The following TBCK variants were observed in gnomAD, a reference collection of about 807,000 sequenced individuals.
TBCK encodes the protein TBC1 domain containing kinase, also known as TBC domain-containing protein kinase-like protein.
Under a neutral mutation model 113.4 loss-of-function variants are expected in TBCK, and 99 were observed. That is an observed-to-expected ratio of 0.87 (90% confidence interval 0.74 to 1.03). The LOEUF is 1.03. Ranked by LOEUF, TBCK falls within the 50% of genes least tolerant of loss-of-function variation. The probability of loss-of-function intolerance (pLI) is 0.00; values close to 1 mark genes in which losing one functional copy is unlikely to be tolerated. For missense variants in TBCK, 1,045 were observed against 1,061.3 expected, an observed-to-expected ratio of 0.98 and a Z score of 0.21; for synonymous variants, 369 against 370.8, an observed-to-expected ratio of 1.00 and a Z score of 0.05.
At chr4:106,250,954 G>C (rs1386211683) in intron 6 of TBCK, 1 of 161,322 alleles carries the variant, frequency 6.2e-6, no homozygotes, top group Non-Finnish European at 1.4e-5. Context: ...ACTTCAGACA[G>C]CCATCCTTCA....
At chr4:106,206,845 A>G (rs1755557104) in intron 20 of TBCK, among the ~76,000 whole-genome samples, 2 of 152,200 alleles carry the variant, frequency 1.3e-5, no homozygotes, top group Admixed American at 1.3e-4. Flanking sequence ...TTAAATGTCA[A>G]TGGCTTTACC....
chr4:106,293,715 TTA>T (rs1765966084), intron 3 of TBCK, among the ~76,000 whole-genome samples: 1 of 152,206 alleles, frequency 6.6e-6, no homozygotes, highest in Non-Finnish European at 1.5e-5. Flanking sequence ...TTCTATCAAA[TTA>T]CTACCATTTA....
intron 23 of TBCK, among the ~76,000 whole-genome samples, chr4:106,153,257 C>T (rs1046556132): frequency 8.6e-5 from 13 of 151,910 alleles, no homozygotes; most frequent in Admixed American, 5.2e-4. Flanking sequence ...TATGTTGTGT[C>T]GCCATTATAA....
intron 25 of TBCK, among the ~76,000 whole-genome samples, chr4:106,092,606 TG>T (rs1740416472): frequency 6.6e-6 from 1 of 152,186 alleles, no homozygotes; most frequent in Non-Finnish European, 1.5e-5. Flanking sequence ...CCAGCACTGC[TG>T]GGGGACCTGG....
chr4:106,200,448 G>A (rs940430675), intron 20 of TBCK, among the ~76,000 whole-genome samples: 3 of 152,116 alleles, frequency 2.0e-5, no homozygotes, highest in Non-Finnish European at 4.4e-5. Context: ...GCTGAGGAGG[G>A]AGGATTACTT....
chr4:106,228,027 A>G (rs1311782986), intron 19 of TBCK, among the ~76,000 whole-genome samples: 1 of 152,014 alleles, frequency 6.6e-6, no homozygotes, highest in Non-Finnish European at 1.5e-5. Context: ...CACAACTTAA[A>G]TAATAAGTAG....
intron 15 of TBCK, among the ~76,000 whole-genome samples, chr4:106,234,245 G>A (rs935320764): frequency 6.6e-6 from 1 of 152,116 alleles, no homozygotes; most frequent in Non-Finnish European, 1.5e-5. Flanking sequence ...TGGACAACCT[G>A]ATACCTGAAG....
At chr4:106,194,143 CA>C (rs1753954592) in intron 21 of TBCK, among the ~76,000 whole-genome samples, 1 of 151,880 alleles carries the variant, frequency 6.6e-6, no homozygotes, top group African/African-American at 2.4e-5. Flanking sequence ...AAATTCCCAC[CA>C]AAAATCCTAT....
intron 18 of TBCK, among the ~76,000 whole-genome samples, chr4:106,231,240 T>C (rs1758827249): frequency 6.6e-6 from 1 of 151,356 alleles, no homozygotes; most frequent in Non-Finnish European, 1.5e-5. Flanking sequence ...AAACCTGCCA[T>C]TGAAAAAGGG....
At chr4:106,278,493 A>T (rs1764239713) in intron 3 of TBCK, among the ~76,000 whole-genome samples, 1 of 131,370 alleles carries the variant, frequency 7.6e-6, no homozygotes, top group South Asian at 2.7e-4. Flanking sequence ...CAGGAGGCAG[A>T]GGTTGCAGTG....
At chr4:106,186,280 CTGTTT>C (rs1753014533) in intron 22 of TBCK, among the ~76,000 whole-genome samples, 1 of 152,124 alleles carries the variant, frequency 6.6e-6, no homozygotes, top group African/African-American at 2.4e-5. Context: ...AATGGAAGCT[CTGTTT>C]TAAGTTCTTT....
chr4:106,230,622 A>C, intron 18 of TBCK, among the ~76,000 whole-genome samples, 176 bp from the exon 19 acceptor site: 1 of 151,890 alleles, frequency 6.6e-6, no homozygotes. Context: ...AAAATAGAAA[A>C]TATTTTTATT....
intron 24 of TBCK, among the ~76,000 whole-genome samples, chr4:106,099,720 C>A (rs1157617387): frequency 6.6e-6 from 1 of 152,130 alleles, no homozygotes; most frequent in South Asian, 2.1e-4. Flanking sequence ...CTTGTACTCA[C>A]ATTTTTATTC....
In TBCK at chr4:106,140,064, A is replaced by G. The variant is rs1387040812; in HGVS notation, c.2236-23686T>C. 1.4e-5 allele frequency among the ~76,000 whole-genome samples: 2 copies of G among 141,352 alleles called. 1 individual carries two copies. The highest frequency in any genetic ancestry group is 5.0e-5 in the African/African-American group (2 of 40,122). The allele number at this position is 141,352 out of a possible 152,430, so 92.7% of individuals were successfully genotyped here. A position where few individuals can be genotyped will look rare whatever the true frequency, so the allele number is the denominator to read the frequency against. The stretch of plus-strand genomic sequence containing the variant: ...GAATTGTAATAGATGAATTACAATA[A>G]TATTTATTGTAGATATATTCAATTT... On this transcript the variant is annotated intron_variant, in intron 23 of 25. Coordinates refer to ENST00000394708, the MANE Select transcript of TBCK (RefSeq NM_001163435.3).
chr4:106,150,779 G>A (rs2149680462), intron 23 of TBCK, among the ~76,000 whole-genome samples: 1 of 152,176 alleles, frequency 6.6e-6, no homozygotes, highest in East Asian at 1.9e-4. Flanking sequence ...GAAAGAGCTA[G>A]CATAGTTGAT....
intron 22 of TBCK, among the ~76,000 whole-genome samples, chr4:106,192,133 G>A (rs954228631): frequency 2.6e-5 from 4 of 152,030 alleles, no homozygotes; most frequent in African/African-American, 9.7e-5. Context: ...AAAATACACA[G>A]TTGCATGAAT....
At chr4:106,232,806 A>G in intron 17 of TBCK, 132 bp downstream of exon 17, 1 of 856,998 alleles carries the variant, frequency 1.2e-6, no homozygotes, top group Non-Finnish European at 1.7e-6. Context: ...AAACCTCTCA[A>G]AAAATGAATC....
intron 25 of TBCK, among the ~76,000 whole-genome samples, chr4:106,092,787 C>T (rs903984512): frequency 1.6e-4 from 25 of 152,328 alleles, no homozygotes; most frequent in African/African-American, 5.1e-4. Flanking sequence ...CACACCTCCC[C>T]GCAGGCTGAG....
At chr4:106,316,635 G>A (rs1579620705), upstream of TBCK, 1 of 1,544,174 alleles carries the variant, frequency 6.5e-7, no homozygotes, top group East Asian at 2.4e-5. Flanking sequence ...GGGGATCGCC[G>A]ATTGCGATCG....
Sources: gnomAD v4.1 joint callset for allele counts (sites outside exome capture counted in the v4.1 genomes callset) on GRCh38, gnomAD v4.1.1 for gene constraint, MANE v1.5 for transcripts, NCBI Gene and HGNC (gene_info 2026-07-23, HGNC 2026-07-21) for gene names.